Variants in FAM13A observed in about 807,000 individuals in gnomAD.
FAM13A encodes family with sequence similarity 13 member A, also known as protein FAM13A.
FAM13A carries 76 observed loss-of-function variants against 129.6 expected under a neutral mutation model. The ratio of observed to expected loss-of-function variants is 0.59; its 90% CI spans 0.49 to 0.71. The LOEUF (loss-of-function observed/expected upper bound fraction) is 0.71, where lower values mean the gene tolerates loss of function less well. Ranked by LOEUF, FAM13A falls within the 30% of genes least tolerant of loss-of-function variation. The pLI is 0.00. For missense variants in FAM13A, 1,108 were observed against 1,249.3 expected, an observed-to-expected ratio of 0.89 and a Z score of 1.70; for synonymous variants, 443 against 449.9, an observed-to-expected ratio of 0.98 and a Z score of 0.20.
chr4:88,945,986 G>GTATATA (rs1309475381), intron 4 of FAM13A, among the ~76,000 whole-genome samples: 15 of 21,844 alleles, frequency 6.9e-4, no homozygotes, highest in African/African-American at 3.1e-3. Context: ...GTGTGTGTGT[G>GTATATA]TGTGTATATA....
At chr4:88,890,794 G>C (rs775529578) in intron 6 of FAM13A, among the ~76,000 whole-genome samples, 18 of 152,082 alleles carry the variant, frequency 1.2e-4, no homozygotes, top group South Asian at 2.1e-4. Context: ...GGTCTCAAAA[G>C]AGAATACTAC....
At chr4:88,789,838 G>A (rs1019951162) in intron 9 of FAM13A, among the ~76,000 whole-genome samples, 6 of 152,122 alleles carry the variant, frequency 3.9e-5, no homozygotes, top group Non-Finnish European at 8.8e-5. Context: ...GTGCTGGCCA[G>A]GCTGAGGAAC....
intron 7 of FAM13A, among the ~76,000 whole-genome samples, chr4:88,832,622 T>C (rs1196538462): frequency 6.6e-6 from 1 of 151,654 alleles, no homozygotes; most frequent in Non-Finnish European, 1.5e-5. Flanking sequence ...CCAACAAACA[T>C]GAAAAAAAGC....
chr4:88,967,112 G>C (rs916169872), intron 4 of FAM13A, among the ~76,000 whole-genome samples: 1 of 152,120 alleles, frequency 6.6e-6, no homozygotes, highest in Non-Finnish European at 1.5e-5. Flanking sequence ...GTTGTTATTA[G>C]GATGAAATAA....
chr4:88,957,355 C>T (rs1197803544), intron 4 of FAM13A, among the ~76,000 whole-genome samples: 2 of 152,036 alleles, frequency 1.3e-5, no homozygotes, highest in Non-Finnish European at 2.9e-5. Flanking sequence ...TGGCACCTCC[C>T]TCCCACCCCA....
intron 7 of FAM13A, among the ~76,000 whole-genome samples, chr4:88,839,885 A>C (rs1283111876): frequency 6.6e-6 from 1 of 152,204 alleles, no homozygotes; most frequent in African/African-American, 2.4e-5. Flanking sequence ...AACTGGATAT[A>C]ACTACCTGGA....
At chr4:88,947,878 C>T (rs564680571) in intron 4 of FAM13A, among the ~76,000 whole-genome samples, 2 of 152,124 alleles carry the variant, frequency 1.3e-5, no homozygotes, top group South Asian at 4.2e-4. Context: ...GAGGCTGGTC[C>T]TCAGAGGCTG....
chr4:88,845,482 G>A (rs1007259406), intron 7 of FAM13A, among the ~76,000 whole-genome samples: 1 of 152,102 alleles, frequency 6.6e-6, no homozygotes, highest in Admixed American at 6.6e-5. Flanking sequence ...CTTTGAGGAC[G>A]CTGCATTTTG....
chr4:88,841,600 CAG>C (rs1254793793), intron 7 of FAM13A, among the ~76,000 whole-genome samples: 3 of 150,380 alleles, frequency 2.0e-5, no homozygotes, highest in Non-Finnish European at 3.0e-5. Flanking sequence ...AAAGAATTAA[CAG>C]AGAATTTGAT....
rs146582848 is a variant in FAM13A, at chr4:88,987,441, G to A, written c.605+3532C>T. On this transcript the variant is annotated intron_variant, in intron 4 of 23. Coordinates refer to ENST00000264344, the MANE Select transcript of FAM13A (RefSeq NM_014883.4). ...TACAATACAGAGATTTGAAAGTGGTGACTTTAACTAACAAAGCAAACTAAG... is the reference window on the plus strand; with the variant it reads ...TACAATACAGAGATTTGAAAGTGGTAACTTTAACTAACAAAGCAAACTAAG... 2.0e-3 allele frequency among the ~76,000 whole-genome samples: 309 copies of A among 152,270 alleles called. 1 individual carries two copies. The highest frequency in any genetic ancestry group is 4.6e-3 in the Admixed American group (70 of 15,298).
At chr4:88,802,388 G>A (rs186595230) in intron 8 of FAM13A, among the ~76,000 whole-genome samples, 1 of 150,884 alleles carries the variant, frequency 6.6e-6, no homozygotes, top group African/African-American at 2.5e-5. Context: ...TCCTTCCTTT[G>A]CAAAAAATGA....
intron 3 of FAM13A, among the ~76,000 whole-genome samples, chr4:89,007,259 C>A (rs1425756958): frequency 1.3e-5 from 2 of 152,186 alleles, no homozygotes; most frequent in Non-Finnish European, 2.9e-5. Flanking sequence ...ACAAACAGGG[C>A]AGAGTGATTC....
chr4:88,943,040 C>T (rs1370409498), intron 4 of FAM13A, among the ~76,000 whole-genome samples: 1 of 152,138 alleles, frequency 6.6e-6, no homozygotes, highest in African/African-American at 2.4e-5. Context: ...CTCGTCTGTA[C>T]TAAAAGAGTT....
intron 6 of FAM13A, among the ~76,000 whole-genome samples, chr4:88,899,663 A>G (rs1561285296): frequency 6.6e-6 from 1 of 152,092 alleles, no homozygotes; most frequent in Non-Finnish European, 1.5e-5. Flanking sequence ...TCAAATTCTC[A>G]TGAAACATTC....
At chr4:88,825,027 T>A (rs1378439082) in intron 7 of FAM13A, among the ~76,000 whole-genome samples, 2 of 152,132 alleles carry the variant, frequency 1.3e-5, no homozygotes, top group South Asian at 2.1e-4. Flanking sequence ...AGGTAGAAAA[T>A]CACAATTATA....
chr4:89,016,340 TG>T (rs1282922031), intron 3 of FAM13A, among the ~76,000 whole-genome samples: 1 of 152,180 alleles, frequency 6.6e-6, no homozygotes, highest in African/African-American at 2.4e-5. Flanking sequence ...AGAATCAAAA[TG>T]TTTTTAAAAG....
chr4:88,800,851 C>T (rs998566390), intron 8 of FAM13A, among the ~76,000 whole-genome samples: 3 of 152,022 alleles, frequency 2.0e-5, no homozygotes, highest in Admixed American at 6.5e-5. Flanking sequence ...AAACAGCTTG[C>T]TTGTTTGTTC....
At chr4:88,850,987 T>C in intron 7 of FAM13A, 33 bp downstream of exon 7, 1 of 1,606,912 alleles carries the variant, frequency 6.2e-7, no homozygotes, top group Non-Finnish European at 8.5e-7. Flanking sequence ...AATAATGCAA[T>C]ATGGATTGTG....
At chr4:88,833,410 G>C (rs1417260416) in intron 7 of FAM13A, among the ~76,000 whole-genome samples, 1 of 151,978 alleles carries the variant, frequency 6.6e-6, no homozygotes, top group Non-Finnish European at 1.5e-5. Flanking sequence ...GTGAGTTAAA[G>C]CCTTCTGCCT....
Sources: gnomAD v4.1 joint callset for allele counts (sites outside exome capture counted in the v4.1 genomes callset) on GRCh38, gnomAD v4.1.1 for gene constraint, MANE v1.5 for transcripts, NCBI Gene and HGNC (gene_info 2026-07-23, HGNC 2026-07-21) for gene names.